Variants in GRID1 observed in about 807,000 individuals in gnomAD.
GRID1 encodes glutamate receptor ionotropic, delta-1.
Under a neutral mutation model 98.0 loss-of-function variants are expected in GRID1, and 28 were observed. The ratio of observed to expected loss-of-function variants is 0.29; its 90% CI spans 0.21 to 0.39. GRID1 has a LOEUF of 0.39. GRID1 is among the 10% of genes least tolerant of loss of function. The probability of loss-of-function intolerance (pLI) is 1.00; values close to 1 mark genes in which losing one functional copy is unlikely to be tolerated. For missense variants in GRID1, 1,111 were observed against 1,340.5 expected, an observed-to-expected ratio of 0.83 and a Z score of 2.67; for synonymous variants, 553 against 538.5, an observed-to-expected ratio of 1.03 and a Z score of -0.37.
intron 3 of GRID1, among the ~76,000 whole-genome samples, chr10:86,190,491 C>A (rs1475761144): frequency 6.6e-6 from 1 of 152,204 alleles, no homozygotes; most frequent in Non-Finnish European, 1.5e-5. Context: ...CAGCCTGGCT[C>A]TGTAGCCAGG....
At chr10:86,065,521 G>T (rs1197586883) in intron 4 of GRID1, among the ~76,000 whole-genome samples, 2 of 152,226 alleles carry the variant, frequency 1.3e-5, no homozygotes, top group Non-Finnish European at 2.9e-5. Context: ...GCACTCCCCT[G>T]CCCTGTGGCC....
chr10:85,687,830 A>C (rs1258335794), intron 12 of GRID1, among the ~76,000 whole-genome samples: 1 of 152,148 alleles, frequency 6.6e-6, no homozygotes, highest in East Asian at 1.9e-4. Context: ...AAAACAAACA[A>C]ACAAATTGAG....
intron 4 of GRID1, among the ~76,000 whole-genome samples, chr10:86,016,146 CTTTT>C (rs34064996): frequency 2.3e-5 from 3 of 132,498 alleles, no homozygotes; most frequent in African/African-American, 8.1e-5. Context: ...AGAGCACCAT[CTTTT>C]TTTTTTTTTT....
chr10:85,696,214 T>C (rs567496316), intron 12 of GRID1, among the ~76,000 whole-genome samples: 24 of 152,244 alleles, frequency 1.6e-4, no homozygotes, highest in African/African-American at 5.5e-4. Context: ...CCTATAGATA[T>C]GAGTGCATGT....
chr10:85,879,402 A>C (rs1316944062), intron 5 of GRID1, among the ~76,000 whole-genome samples: 1 of 152,226 alleles, frequency 6.6e-6, no homozygotes, highest in Non-Finnish European at 1.5e-5. Flanking sequence ...GTAAAAGAAC[A>C]GAAATTGTAA....
chr10:85,932,889 G>A (rs1048300362), intron 4 of GRID1, among the ~76,000 whole-genome samples: 6 of 152,220 alleles, frequency 3.9e-5, no homozygotes, highest in African/African-American at 1.4e-4. Context: ...AAGGAATATC[G>A]ATTTTCTGCA....
intron 8 of GRID1, among the ~76,000 whole-genome samples, chr10:85,745,809 C>T (rs968854786): frequency 6.6e-6 from 1 of 151,294 alleles, no homozygotes; most frequent in African/African-American, 2.4e-5. Flanking sequence ...ATAAGAGAGA[C>T]ATTTAGATCC....
chr10:85,810,505 C>G (rs896428665), intron 8 of GRID1, among the ~76,000 whole-genome samples: 1 of 152,176 alleles, frequency 6.6e-6, no homozygotes, highest in Admixed American at 6.5e-5. Flanking sequence ...AGACCTGACT[C>G]TAGCAGAGAA....
rs1845854490 is a variant in GRID1 at position 86,195,118 on chromosome 10, G to C, written c.520+11246C>G. On this transcript the variant is annotated intron_variant, in intron 3 of 15. Transcript: ENST00000327946. This position sits in a 1 kb window ranked among gnomAD's most constrained non-coding sequence, Gnocchi z 4.4. ...CCAGAGGAAGCTTAGGCAGAGGCAAGTCCTATCCCTACCCTTCCAGGAATG... is the reference window on the plus strand; with the variant it reads ...CCAGAGGAAGCTTAGGCAGAGGCAACTCCTATCCCTACCCTTCCAGGAATG... Among the ~76,000 whole-genome samples the C allele has an allele frequency of 6.6e-6, 1 of 152,108 alleles. No individual in the cohort carries two copies. The highest frequency in any genetic ancestry group is 2.4e-5 in the African/African-American group (1 of 41,452).
intron 15 of GRID1, among the ~76,000 whole-genome samples, chr10:85,604,047 G>A (rs1479521624): frequency 6.6e-6 from 1 of 152,196 alleles, no homozygotes; most frequent in African/African-American, 2.4e-5. Context: ...AAGTTCAACT[G>A]AATGATAGGC....
chr10:86,060,053 C>T (rs1045639226), intron 4 of GRID1, among the ~76,000 whole-genome samples: 5 of 152,154 alleles, frequency 3.3e-5, no homozygotes, highest in African/African-American at 9.7e-5. Context: ...ATGCTACGCA[C>T]AGTGGCTCTG....
At chr10:85,658,754 A>T (rs754044251) in intron 12 of GRID1, among the ~76,000 whole-genome samples, 2 of 152,182 alleles carry the variant, frequency 1.3e-5, no homozygotes, top group Non-Finnish European at 2.9e-5. Flanking sequence ...CTGAGGCTTA[A>T]GGAGAAACAG....
At chr10:85,894,577 T>C (rs1841256816) in intron 5 of GRID1, among the ~76,000 whole-genome samples, 1 of 152,214 alleles carries the variant, frequency 6.6e-6, no homozygotes, top group Admixed American at 6.5e-5. Context: ...CAAATGTATA[T>C]TTCAAAACTC....
At chr10:85,729,391 T>C (rs1480949578) in intron 9 of GRID1, 122 bp downstream of exon 9, 4 of 591,290 alleles carry the variant, frequency 6.8e-6, no homozygotes, top group African/African-American at 3.7e-5. Context: ...AAAGGCCTTA[T>C]GAAAGCTCAC....
intron 8 of GRID1, among the ~76,000 whole-genome samples, chr10:85,776,044 G>A (rs1184966328): frequency 6.6e-6 from 1 of 151,926 alleles, no homozygotes; most frequent in Non-Finnish European, 1.5e-5. Context: ...AAAAGCATTG[G>A]TGGTCTCATT....
At chr10:86,302,066 G>A (rs754622414) in intron 2 of GRID1, among the ~76,000 whole-genome samples, 4 of 152,172 alleles carry the variant, frequency 2.6e-5, no homozygotes, top group Non-Finnish European at 5.9e-5. Flanking sequence ...CTACTTCTGT[G>A]CTAAAAGCCT....
intron 2 of GRID1, among the ~76,000 whole-genome samples, chr10:86,325,460 A>G (rs1848035526): frequency 6.6e-6 from 1 of 152,198 alleles, no homozygotes; most frequent in Non-Finnish European, 1.5e-5. Context: ...AAGAGACAGC[A>G]CAGTCTTCCA....
intron 4 of GRID1, among the ~76,000 whole-genome samples, chr10:86,075,120 GCTC>G (rs1177659625): frequency 1.4e-5 from 2 of 146,264 alleles, no homozygotes; most frequent in South Asian, 2.3e-4. Flanking sequence ...CCCGCGGAAG[GCTC>G]CTCGTTTGTC....
intron 12 of GRID1, among the ~76,000 whole-genome samples, chr10:85,700,959 A>G (rs1202906219): frequency 6.6e-6 from 1 of 152,224 alleles, no homozygotes; most frequent in Non-Finnish European, 1.5e-5. Context: ...TTGAAAATTT[A>G]TAAGTTGAAG....
Sources: gnomAD v4.1 joint callset for allele counts (sites outside exome capture counted in the v4.1 genomes callset) on GRCh38, gnomAD v4.1.1 for gene constraint, Gnocchi (gnomAD v3.1) non-coding constraint, MANE v1.5 for transcripts, NCBI Gene and HGNC (gene_info 2026-07-23, HGNC 2026-07-21) for gene names.